Variants in GSTO2 observed in about 807,000 individuals in gnomAD.
GSTO2 encodes the protein glutathione S-transferase omega 2, also known as glutathione S-transferase omega-2.
In GSTO2, 23 loss-of-function variants were observed where a neutral mutation model predicts 28.4. That is an observed-to-expected ratio of 0.81 (90% CI 0.58 to 1.15). GSTO2 has a LOEUF of 1.15. GSTO2 is among the 50% of genes most tolerant of loss of function. The pLI is 0.00. For synonymous variants in GSTO2, 109 were observed against 111.0 expected (o/e 0.98, Z 0.11); for missense variants, 298 against 297.8 (o/e 1.00, Z 0.00).
chr10:104,282,705 C>T (rs763024068), intron 5 of GSTO2, among the ~76,000 whole-genome samples: 15 of 152,086 alleles, frequency 9.9e-5, no homozygotes, highest in Non-Finnish European at 8.8e-5. Flanking sequence ...TTTTGAGGAA[C>T]TAAGATGAGA....
chr10:104,271,838 T>A (rs1245604068), intron 1 of GSTO2, among the ~76,000 whole-genome samples: 1 of 152,258 alleles, frequency 6.6e-6, no homozygotes, highest in Admixed American at 6.5e-5. Flanking sequence ...AGGAACCTTT[T>A]AATTTACAAA....
At chr10:104,298,303 A>G (rs567714229) in intron 6 of GSTO2, among the ~76,000 whole-genome samples, 148 of 152,288 alleles carry the variant, frequency 9.7e-4, no homozygotes, top group African/African-American at 3.5e-3. Flanking sequence ...ACCCTAATCC[A>G]AGCCACCCTC....
chr10:104,271,239 A>G (rs971107511), intron 1 of GSTO2, among the ~76,000 whole-genome samples: 1 of 152,228 alleles, frequency 6.6e-6, no homozygotes. Context: ...AGCCCATTCA[A>G]TTGGCATTAA....
intron 1 of GSTO2, among the ~76,000 whole-genome samples, chr10:104,274,117 A>G (rs960435545): frequency 2.0e-5 from 3 of 152,220 alleles, no homozygotes; most frequent in South Asian, 2.1e-4. Flanking sequence ...GCTGTTGGCA[A>G]TGTATCCTTG....
chr10:104,296,613 T>TA lies in GSTO2; in HGVS notation c.469-940dup, dbSNP rs11347549. The TA allele has an allele frequency of 4.2e-3, 281 of 66,454 alleles. 1 individual carries two copies. Among genetic ancestry groups the TA allele is most frequent in the South Asian group, 6.0e-3 (10 of 1,678 alleles). The allele number at this position is 66,454 out of a possible 1,614,324, so 4.1% of individuals were successfully genotyped here. On this transcript the variant is annotated intron_variant, in intron 5 of 6. Coordinates refer to ENST00000338595, the MANE Select transcript of GSTO2 (RefSeq NM_183239.2). ...CTGAGTGACAGAGCAAGACCCTATC[T>TA]AAAAAAAAAAAAAAAAAAAAAAAAA...
In GSTO2 at chr10:104,288,590, G is replaced by A. The variant is rs1351626167; in HGVS notation, c.469-8988G>A. On this transcript the variant is annotated intron_variant, in intron 5 of 6. Coordinates refer to ENST00000338595, the MANE Select transcript of GSTO2 (RefSeq NM_183239.2). The stretch of plus-strand genomic sequence containing the variant: ...ATAATATTTGCTGTGGAGATACACT[G>A]TAGTTCCTCATTGTTGACTTAATGC... 6 of 152,228 alleles carry A rather than the reference G, an allele frequency of 3.9e-5. No homozygotes were observed. In the East Asian group the frequency reaches 1.2e-3, roughly 29 times the overall value. The allele number at this position is 152,228 out of a possible 1,614,324, so 9.4% of individuals were successfully genotyped here.
At chr10:104,286,736 T>G (rs2012452808) in intron 5 of GSTO2, among the ~76,000 whole-genome samples, 1 of 152,196 alleles carries the variant, frequency 6.6e-6, no homozygotes, top group African/African-American at 2.4e-5. Context: ...CAGCTGCTAA[T>G]ATTTGCTGTA....
chr10:104,279,289 A>G, intron 4 of GSTO2, 81 bp from the exon 5 acceptor site: 7 of 1,188,386 alleles, frequency 5.9e-6, no homozygotes, highest in Non-Finnish European at 8.7e-6. Flanking sequence ...GGAGTTATAA[A>G]GCTTCGCTGC....
chr10:104,292,343 A>G (rs1168656823), intron 5 of GSTO2, among the ~76,000 whole-genome samples: 1 of 151,096 alleles, frequency 6.6e-6, no homozygotes, highest in Non-Finnish European at 1.5e-5. Flanking sequence ...TATTTTTTGT[A>G]GACACGGTCT....
chr10:104,275,044 C>T, intron 2 of GSTO2, 95 bp downstream of exon 2: 5 of 1,500,100 alleles, frequency 3.3e-6, no homozygotes, highest in Non-Finnish European at 4.4e-6. Context: ...TGCAGACCGG[C>T]GGGGCAGGAA....
chr10:104,293,200 C>T (rs112068824), intron 5 of GSTO2, among the ~76,000 whole-genome samples: 31 of 152,268 alleles, frequency 2.0e-4, no homozygotes, highest in African/African-American at 7.2e-4. Context: ...AAATTCTTTT[C>T]ACAGAGAAGC....
intron 5 of GSTO2, chr10:104,295,016 T>C (rs2012958171): frequency 6.6e-6 from 1 of 152,216 alleles, no homozygotes; most frequent in African/African-American, 2.4e-5. Flanking sequence ...AGAAGAGCTG[T>C]GTAGATGTTC....
intron 5 of GSTO2, among the ~76,000 whole-genome samples, chr10:104,294,020 C>T (rs1589874697): frequency 6.6e-6 from 1 of 152,178 alleles, no homozygotes; most frequent in African/African-American, 2.4e-5. Context: ...AATCACATCA[C>T]CAGCATGTTT....
intron 5 of GSTO2, among the ~76,000 whole-genome samples, chr10:104,283,708 G>A (rs1019108258): frequency 9.2e-5 from 14 of 152,262 alleles, no homozygotes; most frequent in African/African-American, 2.9e-4. Context: ...TGAATTATGC[G>A]ATCTGTTCCT....
chr10:104,294,746 G>A (rs1372698466), intron 5 of GSTO2, among the ~76,000 whole-genome samples: 1 of 152,248 alleles, frequency 6.6e-6, no homozygotes, highest in East Asian at 1.9e-4. Flanking sequence ...TTATTGTGCC[G>A]AGTACCTTGA....
At position 104,298,716 on chromosome 10, in the gene GSTO2, AT is replaced by A. The variant is rs547423830; in HGVS notation, c.576-405del. ...AATGTTTTAGAAATTATTTGTCTTT[AT>A]TTTTTTATATCTCCTAAAGTAAAAT... On this transcript the variant is annotated intron_variant, in intron 6 of 6. Coordinates refer to ENST00000338595, the MANE Select transcript of GSTO2 (RefSeq NM_183239.2). Among the ~76,000 whole-genome samples, 10 of 152,194 alleles carry A rather than the reference AT, an allele frequency of 6.6e-5. No individual in the cohort carries two copies. The South Asian group carries it at 1.5e-3, about 22-fold the overall frequency.
At position 104,303,094 on chromosome 10, in the gene GSTO2, C is replaced by CT. The variant is rs1303095287; in HGVS notation, c.*3811dup. Reference sequence around the variant, plus strand: ...TCCATTAGTTATTTTTCCTGATCCTCTCCCTCCTCCCACCCTGCACCCTCT... The same window carrying CT: ...TCCATTAGTTATTTTTCCTGATCCTCTTCCCTCCTCCCACCCTGCACCCTCT... On this transcript the variant is annotated 3_prime_UTR_variant, in exon 7 of 7. Coordinates refer to ENST00000338595, the MANE Select transcript of GSTO2 (RefSeq NM_183239.2). 5.3e-5 allele frequency: 8 copies of CT among 152,198 alleles called. No individual in the cohort carries two copies. The highest frequency in any genetic ancestry group is 1.0e-4 in the Non-Finnish European group (7 of 68,034). 9.4% of individuals were successfully genotyped at this position (152,198 alleles called of 1,614,324 possible). A position where few individuals can be genotyped will look rare whatever the true frequency, so the allele number is the denominator to read the frequency against.
At chr10:104,297,784 C>T (rs2013114306) in intron 6 of GSTO2, 100 bp downstream of exon 6, 1 of 762,986 alleles carries the variant, frequency 1.3e-6, no homozygotes, top group Admixed American at 2.3e-5. Flanking sequence ...TTCAGGATGT[C>T]TGTGAAGTGA....
chr10:104,273,248 T>G (rs570059618), intron 1 of GSTO2, among the ~76,000 whole-genome samples: 83 of 151,940 alleles, frequency 5.5e-4, no homozygotes, highest in South Asian at 1.2e-3. Flanking sequence ...AAATGAAAAG[T>G]TGTCAGCGTA....
Sources: gnomAD v4.1 joint callset for allele counts (sites outside exome capture counted in the v4.1 genomes callset) on GRCh38, gnomAD v4.1.1 for gene constraint, MANE v1.5 for transcripts, NCBI Gene and HGNC (gene_info 2026-07-23, HGNC 2026-07-21) for gene names.